Variants in HTATSF1 observed in about 807,000 individuals in gnomAD.
HTATSF1 encodes the protein HIV-1 Tat specific factor 1.
HTATSF1 carries 6 observed loss-of-function variants against 46.1 expected under a neutral mutation model. That is an observed-to-expected ratio of 0.13 (90% CI 0.07 to 0.26). The LOEUF is 0.26. HTATSF1 is among the 10% of genes least tolerant of loss of function. The pLI, the probability that HTATSF1 is intolerant of heterozygous loss-of-function variation, is 1.00. For missense variants in HTATSF1, 452 were observed against 559.9 expected (o/e 0.81, Z 1.94); for synonymous variants, 226 against 211.5 (o/e 1.07, Z -0.60).
chrX:136,509,709 C>G (rs1358295370), intron 7 of HTATSF1, among the ~76,000 whole-genome samples: 2 of 112,354 alleles, frequency 1.8e-5, no homozygotes, highest in Non-Finnish European at 3.8e-5. Flanking sequence ...AGGAAGCTAA[C>G]ACTTTAGAAA....
chrX:136,511,594 G>A lies in HTATSF1; in HGVS notation c.1849G>A (p.Glu617Lys). 8.3e-7 allele frequency: 1 copy of A among 1,211,269 alleles called. No homozygotes were observed. The highest frequency in any genetic ancestry group is 1.1e-6 in the Non-Finnish European group (1 of 895,020). The change falls in exon 9 of 9, where the codon GAG becomes AAG. Residue 617 changes from glutamate (E) to lysine (K), a missense_variant. Glu to Lys is a moderately conservative substitution (Grantham distance 56). Coordinates refer to ENST00000218364, the MANE Select transcript of HTATSF1 (RefSeq NM_014500.5). Reference protein sequence around the residue: ...SEKVLDEEGSEREFDEDSDEK... With the variant: ...SEKVLDEEGSKREFDEDSDEK... Reference sequence around the variant, plus strand: ...AAAAGTGTTAGATGAGGAAGGCTCTGAGAGAGAGTTTGACGAAGATTCAGA... The same window carrying A: ...AAAAGTGTTAGATGAGGAAGGCTCTAAGAGAGAGTTTGACGAAGATTCAGA...
At position 136,511,901 on chromosome X, in the gene HTATSF1, A is replaced by G. The variant is rs1194066565; in HGVS notation, c.2156A>G (p.Asp719Gly). Reference protein sequence around the residue: ...EEEDSSEKLFDDSDERGTLGG... With the variant: ...EEEDSSEKLFGDSDERGTLGG... ...GAAGATTCCAGTGAGAAGTTGTTTG[A>G]CGATTCTGATGAGAGGGGGACTTTG... Residue 719 changes from aspartate to glycine, a missense_variant, in exon 9 of 9, where the codon GAC (aspartate) becomes GGC (glycine). By Grantham distance (94) the Asp-to-Gly change is moderately conservative (BLOSUM62 -1). Around this residue, in one of 3 missense-constraint regions of HTATSF1, gnomAD observed 246 missense variants for 245.3 expected, o/e 1.00. Transcript: ENST00000218364. 2 of 1,211,687 alleles carry G rather than the reference A, an allele frequency of 1.7e-6. No homozygotes were observed. The highest frequency in any genetic ancestry group is 2.2e-6 in the Non-Finnish European group (2 of 895,464).
chrX:136,500,231 T>A, intron 3 of HTATSF1, 26 bp downstream of exon 3: 1 of 953,430 alleles, frequency 1.0e-6, no homozygotes, highest in Non-Finnish European at 1.5e-6. Flanking sequence ...TAAACAGGTT[T>A]AAGGTAGGAA....
At chrX:136,504,503 CT>C in intron 6 of HTATSF1, 40 bp downstream of exon 6, 4 of 1,032,959 alleles carry the variant, frequency 3.9e-6, no homozygotes, top group East Asian at 3.1e-5. Context: ...TGCTGATAGG[CT>C]TTTTTTCTCT....
Position 136,499,613 on chromosome X carries a change from A to G in HTATSF1, c.202A>G (p.Ile68Val), listed in dbSNP as rs889857618. 8.5e-7 allele frequency: 1 copy of G among 1,170,934 alleles called. No individual in the cohort carries two copies. The highest frequency in any genetic ancestry group is 1.1e-6 in the Non-Finnish European group (1 of 880,001). The change falls in exon 2 of 9, where the codon ATT becomes GTT. Residue 68 changes from isoleucine to valine, a missense_variant. Ile to Val is a conservative substitution (Grantham distance 29). Around this residue, in one of 3 missense-constraint regions of HTATSF1, gnomAD observed 89 missense variants for 92.3 expected, o/e 0.96. Coordinates refer to ENST00000218364, the MANE Select transcript of HTATSF1 (RefSeq NM_014500.5). ...AWFPKITEDF[I>V]ATYQANYGFS... ...GCTTGTGTAGATTACTGAAGATTTC[A>G]TTGCTACATATCAGGCCAATTATGG...
At chrX:136,500,896 T>C (rs894850466) in intron 4 of HTATSF1, 78 bp downstream of exon 4, 5 of 688,421 alleles carry the variant, frequency 7.3e-6, no homozygotes, top group Non-Finnish European at 1.0e-5. Flanking sequence ...CTATAGATGA[T>C]AACCAACACC....
At chrX:136,510,707 T>C (rs1159211349) in intron 8 of HTATSF1, 101 bp from the exon 9 acceptor site, 1 of 899,427 alleles carries the variant, frequency 1.1e-6, no homozygotes, top group African/African-American at 2.0e-5. Flanking sequence ...TAATAAGAGA[T>C]GCTTTATAAA....
At chrX:136,503,195 C>T (rs988608373) in intron 5 of HTATSF1, among the ~76,000 whole-genome samples, 3 of 111,653 alleles carry the variant, frequency 2.7e-5, no homozygotes, top group Non-Finnish European at 5.6e-5. Flanking sequence ...GTTTGGAAAA[C>T]GTTGAACATC....
intron 1 of HTATSF1, among the ~76,000 whole-genome samples, chrX:136,498,869 T>A (rs929018770): frequency 8.9e-6 from 1 of 112,849 alleles, no homozygotes; most frequent in Non-Finnish European, 1.9e-5. Flanking sequence ...AACTTTGGGT[T>A]TTACATTTTC....
At chrX:136,507,968 T>G (rs2075750371) in intron 6 of HTATSF1, among the ~76,000 whole-genome samples, 1 of 112,243 alleles carries the variant, frequency 8.9e-6, no homozygotes, top group South Asian at 3.7e-4. Flanking sequence ...ATAAAGCAAA[T>G]TGGCTGCTTC....
At chrX:136,499,031 A>C (rs2075705389) in intron 1 of HTATSF1, among the ~76,000 whole-genome samples, 1 of 113,181 alleles carries the variant, frequency 8.8e-6, no homozygotes, top group Admixed American at 9.3e-5. Context: ...AACGTCATTT[A>C]ATTTGTGATA....
Position 136,500,779 on chromosome X carries a change from A to G in HTATSF1, c.531A>G (p.Gln177=), listed in dbSNP as rs184569232. The change falls in exon 4 of 9, where the codon CAA becomes CAG. Residue 177 remains glutamine, a synonymous_variant. Transcript: ENST00000218364. ...AGGTCAAACTTTACAAAGATAATCA[A>G]GGAAATCTTAAAGGAGACGGTCTTT... ...EFKVKLYKDN[Q]GNLKGDGLCC... 1.7e-6 allele frequency: 2 copies of G among 1,143,973 alleles called. No homozygotes were observed. Among genetic ancestry groups the G allele is most frequent in the East Asian group, 6.4e-5 (2 of 31,386 alleles). The allele number at this position is 1,143,973 out of a possible 1,213,427, so 94.3% of individuals were successfully genotyped here.
chrX:136,506,734 G>A (rs963804127), intron 6 of HTATSF1, among the ~76,000 whole-genome samples: 1 of 112,139 alleles, frequency 8.9e-6, no homozygotes, highest in Middle Eastern at 4.2e-3. Context: ...ATCCTTGTTT[G>A]CCCACCTTCC....
chrX:136,503,995 C>G (rs144086631), intron 5 of HTATSF1, among the ~76,000 whole-genome samples: 1,243 of 111,134 alleles, frequency 0.011, 17 homozygotes, highest in African/African-American at 0.036. Flanking sequence ...CTCAGCCTCC[C>G]CAGTAGCTGG....
Position 136,511,376 on chromosome X carries a change from C to T in HTATSF1, c.1631C>T (p.Ser544Leu). 2.5e-6 allele frequency: 3 copies of T among 1,209,564 alleles called. No individual in the cohort carries two copies. The highest frequency in any genetic ancestry group is 3.4e-6 in the Non-Finnish European group (3 of 894,882). The stretch of plus-strand genomic sequence containing the variant: ...ACAAAAGAGTCCGAAGAAGATGACT[C>T]AGAGAAAGAGTCTGATGAAGACTGC... Reference protein sequence around the residue: ...GPTKESEEDDSEKESDEDCSE... With the variant: ...GPTKESEEDDLEKESDEDCSE... The change falls in exon 9 of 9, where the codon TCA (serine) becomes TTA (leucine). Residue 544 changes from serine (S) to leucine (L), a missense_variant. Coordinates refer to ENST00000218364, the MANE Select transcript of HTATSF1 (RefSeq NM_014500.5).
At chrX:136,509,464 A>G (rs746514039) in intron 7 of HTATSF1, among the ~76,000 whole-genome samples, 1 of 111,694 alleles carries the variant, frequency 9.0e-6, no homozygotes, top group Non-Finnish European at 1.9e-5. Context: ...CTGGTTCCCT[A>G]TTAGTCACAT....
intron 1 of HTATSF1, among the ~76,000 whole-genome samples, chrX:136,498,128 C>T (rs2075701075): frequency 8.9e-6 from 1 of 112,772 alleles, no homozygotes; most frequent in South Asian, 3.6e-4. Context: ...TTGATTATTA[C>T]ATGACTGCTT....
Position 136,510,132 on chromosome X carries a change from T to C in HTATSF1, c.975T>C (p.Ala325=). The change falls in exon 8 of 9, where the codon GCT becomes GCC. Residue 325 remains alanine (A), a synonymous_variant. Transcript: ENST00000218364. ...TGTCCTTTCGGGATCCAGAGGAAGCTGATTATTGTATTCAGACTCTCGATG... is the reference window on the plus strand; with the variant it reads ...TGTCCTTTCGGGATCCAGAGGAAGCCGATTATTGTATTCAGACTCTCGATG... ...ASVSFRDPEE[A]DYCIQTLDGR... is the part of the protein sequence containing the mutation. 8.3e-7 allele frequency: 1 copy of C among 1,210,040 alleles called. No individual in the cohort carries two copies. Among genetic ancestry groups the C allele is most frequent in the Middle Eastern group, 2.3e-4 (1 of 4,343 alleles).
intron 8 of HTATSF1, among the ~76,000 whole-genome samples, chrX:136,510,565 C>CT (rs950225429): frequency 8.9e-6 from 1 of 112,240 alleles, no homozygotes; most frequent in Non-Finnish European, 1.9e-5. Flanking sequence ...CAAATATTAA[C>CT]TTTTTAAGAG....
Sources: allele counts gnomAD v4.1 joint callset (sites outside exome capture counted in the v4.1 genomes callset), GRCh38; gene constraint gnomAD v4.1.1; regional missense constraint gnomAD v4.1.1; transcripts MANE v1.5; gene names NCBI Gene and HGNC (gene_info 2026-07-23, HGNC 2026-07-21).